The following SEMA6A variants were observed in gnomAD, a reference collection of about 807,000 sequenced individuals.
SEMA6A encodes semaphorin-6A.
A neutral mutation model predicts 96.8 loss-of-function variants in SEMA6A; 25 were observed. The observed-to-expected ratio is 0.26, with a 90% confidence interval of 0.19 to 0.36. The LOEUF (loss-of-function observed/expected upper bound fraction) is 0.36. Among genes scored for constraint, SEMA6A ranks in the 10% least tolerant of loss-of-function variants. SEMA6A has a pLI of 1.00. For missense variants in SEMA6A, 1,363 were observed against 1,323.1 expected, an observed-to-expected ratio of 1.03 and a Z score of -0.47; for synonymous variants, 612 against 518.0, an observed-to-expected ratio of 1.18 and a Z score of -2.46.
intron 18 of SEMA6A, among the ~76,000 whole-genome samples, chr5:116,452,894 G>A (rs571185877): frequency 9.8e-5 from 15 of 152,306 alleles, no homozygotes; most frequent in Admixed American, 2.6e-4. Context: ...ACTAGGTGTC[G>A]GGGAAGGACA....
intron 12 of SEMA6A, among the ~76,000 whole-genome samples, chr5:116,479,609 C>A (rs74944198): frequency 6.6e-6 from 1 of 152,284 alleles, no homozygotes; most frequent in East Asian, 1.9e-4. Context: ...TTTTTTAATA[C>A]TACCACAGAT....
intron 16 of SEMA6A, among the ~76,000 whole-genome samples, chr5:116,475,216 G>A (rs897688135): frequency 1.4e-4 from 22 of 152,076 alleles, no homozygotes; most frequent in Non-Finnish European, 2.5e-4. Context: ...CAGTATAAAA[G>A]CATGTTTTTA....
At chr5:116,558,290 T>A (rs1033284808) in intron 1 of SEMA6A, among the ~76,000 whole-genome samples, 20 of 152,262 alleles carry the variant, frequency 1.3e-4, no homozygotes, top group African/African-American at 4.6e-4. Flanking sequence ...CCATCTTTTT[T>A]AATTTTTACT....
At chr5:116,474,965 T>C (rs1222365697) in intron 16 of SEMA6A, among the ~76,000 whole-genome samples, 1 of 152,242 alleles carries the variant, frequency 6.6e-6, no homozygotes, top group African/African-American at 2.4e-5. Context: ...TGTTACCATT[T>C]AATAACTATC....
intron 1 of SEMA6A, among the ~76,000 whole-genome samples, chr5:116,549,042 G>A (rs556036682): frequency 2.6e-5 from 4 of 152,174 alleles, no homozygotes; most frequent in East Asian, 3.9e-4. Flanking sequence ...ATGAATCAAC[G>A]AAAAATACAA....
At chr5:116,528,274 C>T (rs1477795111) in intron 1 of SEMA6A, among the ~76,000 whole-genome samples, 1 of 152,136 alleles carries the variant, frequency 6.6e-6, no homozygotes, top group African/African-American at 2.4e-5. Context: ...AGTAAACTTC[C>T]AGCCAGGTTT....
chr5:116,512,917 A>T (rs886512310), intron 1 of SEMA6A, among the ~76,000 whole-genome samples: 55 of 152,326 alleles, frequency 3.6e-4, no homozygotes, highest in African/African-American at 1.3e-3. Flanking sequence ...GGTATGCTCT[A>T]GCTTTTTGCC....
intron 18 of SEMA6A, among the ~76,000 whole-genome samples, chr5:116,461,781 T>C (rs549272835): frequency 6.6e-6 from 1 of 152,178 alleles, no homozygotes; most frequent in Non-Finnish European, 1.5e-5. Context: ...GGCCTTTTGG[T>C]GTGCTTTTGT....
intron 1 of SEMA6A, among the ~76,000 whole-genome samples, chr5:116,509,197 A>C (rs536973451): frequency 6.6e-6 from 1 of 152,326 alleles, no homozygotes; most frequent in Admixed American, 6.5e-5. Flanking sequence ...GAACATTTTA[A>C]TAATAAGTGA....
chr5:116,535,833 C>G (rs750143872), intron 1 of SEMA6A, among the ~76,000 whole-genome samples: 1 of 152,222 alleles, frequency 6.6e-6, no homozygotes, highest in African/African-American at 2.4e-5. Context: ...TTTTCATATA[C>G]TGAGACTGCT....
chr5:116,467,303 A>G (rs1755819022), intron 18 of SEMA6A, among the ~76,000 whole-genome samples: 1 of 140,668 alleles, frequency 7.1e-6, no homozygotes, highest in Admixed American at 7.1e-5. Context: ...AAGGGATGTC[A>G]GAAGCCAGCA....
At chr5:116,537,162 C>T (rs1759752481) in intron 1 of SEMA6A, among the ~76,000 whole-genome samples, 2 of 152,156 alleles carry the variant, frequency 1.3e-5, no homozygotes, top group African/African-American at 4.8e-5. Context: ...CATAGAGACC[C>T]ACCAACAGGG....
intron 1 of SEMA6A, among the ~76,000 whole-genome samples, chr5:116,564,660 T>C (rs186058665): frequency 1.3e-3 from 195 of 152,180 alleles, no homozygotes; most frequent in Non-Finnish European, 1.9e-3. Context: ...TCACACAATA[T>C]ATACACCACT....
At chr5:116,514,676 C>T (rs1255703994) in intron 1 of SEMA6A, among the ~76,000 whole-genome samples, 1 of 152,170 alleles carries the variant, frequency 6.6e-6, no homozygotes, top group Admixed American at 6.5e-5. Context: ...TGAGCTCTTT[C>T]CCTGCCTTAT....
Position 116,447,207 on chromosome 5 carries a change from G to C in SEMA6A, c.2499C>G (p.Pro833=), listed in dbSNP as rs1418265736. ...CCATCTGGGCCACCTCGCTCATTTT[G>C]GGCTGGTCCACGTACTCATGCTGGT... ...QGYQHEYVDQ[P]KMSEVAQMAL... The change falls in exon 19 of 19, where the codon CCC becomes CCG. Residue 833 remains proline (P), a synonymous_variant. Transcript: ENST00000343348. 6.2e-7 allele frequency: 1 copy of C among 1,614,036 alleles called. No individual in the cohort carries two copies. Among genetic ancestry groups the C allele is most frequent in the African/African-American group, 1.3e-5 (1 of 75,066 alleles).
intron 17 of SEMA6A, among the ~76,000 whole-genome samples, chr5:116,470,912 G>A (rs960698299): frequency 1.3e-5 from 2 of 152,190 alleles, no homozygotes; most frequent in Non-Finnish European, 2.9e-5. Flanking sequence ...TTCTTTCGAT[G>A]CTACAAATAC....
intron 13 of SEMA6A, 148 bp from the exon 14 acceptor site, chr5:116,478,302 A>G: frequency 2.3e-6 from 2 of 872,488 alleles, no homozygotes; most frequent in East Asian, 2.7e-5. Flanking sequence ...GCACACACGT[A>G]AACACACACA....
rs3215175 is a variant in SEMA6A, at chr5:116,499,650, GT to G, written c.219-2264del. Among the ~76,000 whole-genome samples the G allele has an allele frequency of 5.4e-4, 83 of 152,324 alleles. 3 individuals carry two copies. The East Asian group carries it at 0.016, about 29-fold the overall frequency. ...TTGTCTGTTGAGAGGAAGTGGCTGC[GT>G]ATGGTGTGAAAACAAACATGTCAAT... On this transcript the variant is annotated intron_variant, in intron 3 of 18. Coordinates refer to ENST00000343348, the MANE Select transcript of SEMA6A (RefSeq NM_020796.5).
chr5:116,501,834 C>G (rs1757895695), intron 3 of SEMA6A, among the ~76,000 whole-genome samples: 1 of 152,184 alleles, frequency 6.6e-6, no homozygotes, highest in African/African-American at 2.4e-5. Context: ...CTTCAGTGAG[C>G]TGAGATTGCA....
Sources: allele counts gnomAD v4.1 joint callset (sites outside exome capture counted in the v4.1 genomes callset), GRCh38; gene constraint gnomAD v4.1.1; transcripts MANE v1.5; gene names NCBI Gene and HGNC (gene_info 2026-07-23, HGNC 2026-07-21).